The following RBFOX2 variants were observed in gnomAD, a reference collection of about 807,000 sequenced individuals.
RBFOX2 encodes RNA binding fox-1 homolog 2, also known as RNA binding protein fox-1 homolog 2.
RBFOX2 carries 10 observed loss-of-function variants against 49.1 expected under a neutral mutation model. The ratio of observed to expected loss-of-function variants is 0.20; its 90% CI spans 0.13 to 0.35. RBFOX2 has a LOEUF of 0.35. Among genes scored for constraint, RBFOX2 ranks in the 10% least tolerant of loss-of-function variants. RBFOX2 has a pLI of 1.00. For missense variants in RBFOX2, 323 were observed against 486.9 expected (o/e 0.66, Z 3.17); for synonymous variants, 183 against 187.4 (o/e 0.98, Z 0.19).
chr22:35,762,809 A>G (rs971119753), intron 6 of RBFOX2, among the ~76,000 whole-genome samples: 2 of 152,116 alleles, frequency 1.3e-5, no homozygotes, highest in East Asian at 3.9e-4. Flanking sequence ...TCCAGCCACA[A>G]TTGGCCTTTT....
At chr22:35,869,304 C>T (rs1315614666) in intron 1 of RBFOX2, among the ~76,000 whole-genome samples, 1 of 151,346 alleles carries the variant, frequency 6.6e-6, no homozygotes, top group African/African-American at 2.4e-5. Context: ...ATTACAGGCA[C>T]CCACCGCCAC....
chr22:35,772,021 C>T (rs1466180883), intron 4 of RBFOX2, among the ~76,000 whole-genome samples: 1 of 152,080 alleles, frequency 6.6e-6, no homozygotes, highest in Non-Finnish European at 1.5e-5. Context: ...AGAACAGCTT[C>T]CAAATGATCA....
Position 35,809,795 on chromosome 22 carries a change from T to C in RBFOX2, c.237A>G (p.Gln79=), listed in dbSNP as rs144815875. ...GTCCACGTACCGTAAGAGATCCATTTTGTGTGCTGGGTGAGTTGCTGCTCT... is the reference window on the plus strand; with the variant it reads ...GTCCACGTACCGTAAGAGATCCATTCTGTGTGCTGGGTGAGTTGCTGCTCT... Residue 79 remains glutamine, a synonymous_variant, in exon 2 of 12, where the codon CAA becomes CAG. Coordinates refer to ENST00000405409, the Ensembl canonical transcript of RBFOX2. 334 of 1,613,960 alleles carry C rather than the reference T, an allele frequency of 2.1e-4. 3 individuals carry two copies. The Middle Eastern group carries it at 7.8e-3, about 38-fold the overall frequency.
chr22:35,888,422 G>C (rs556262308), intron 1 of RBFOX2, among the ~76,000 whole-genome samples: 1 of 152,300 alleles, frequency 6.6e-6, no homozygotes, highest in Non-Finnish European at 1.5e-5. Flanking sequence ...AGATGGTCTA[G>C]TCTACTACAT....
At chr22:35,911,357 T>A (rs1050769363) in intron 1 of RBFOX2, among the ~76,000 whole-genome samples, 18 of 152,162 alleles carry the variant, frequency 1.2e-4, no homozygotes, top group African/African-American at 3.1e-4. Flanking sequence ...GAGAACCTCA[T>A]AAATATTCAA....
intron 9 of RBFOX2, among the ~76,000 whole-genome samples, 183 bp downstream of exon 11, chr22:35,755,922 G>A (rs1936756993): frequency 6.6e-6 from 1 of 151,052 alleles, no homozygotes; most frequent in Non-Finnish European, 1.5e-5. Context: ...CAAGCGCAGT[G>A]GCAGAGAAGC....
intron 1 of RBFOX2, among the ~76,000 whole-genome samples, chr22:35,922,167 GATATGTGAAATTTAA>G (rs1159531556): frequency 3.9e-5 from 6 of 152,190 alleles, no homozygotes; most frequent in Non-Finnish European, 8.8e-5. Flanking sequence ...TTAGCATAAT[GATATGTGAAATTTAA>G]ATCACAATTG....
chr22:35,893,876 T>C (rs984211392), intron 1 of RBFOX2, among the ~76,000 whole-genome samples: 1 of 151,920 alleles, frequency 6.6e-6, no homozygotes, highest in African/African-American at 2.4e-5. Context: ...AGGGAAACTT[T>C]CAAAAAGCTG....
chr22:35,746,689 C>T (rs1932868319), intron 9 of RBFOX2, 128 bp from the exon 12 acceptor site: 2 of 449,482 alleles, frequency 4.4e-6, no homozygotes, highest in Admixed American at 4.3e-5. Context: ...TAGACACACA[C>T]ATGGGAAGAA....
intron 1 of RBFOX2, among the ~76,000 whole-genome samples, chr22:35,960,066 G>C (rs1378778328): frequency 6.6e-6 from 1 of 152,064 alleles, no homozygotes; most frequent in African/African-American, 2.4e-5. Context: ...TGAATGCACA[G>C]ATGTGGACCC....
exon 3 of RBFOX2, chr22:35,781,733 C>G: frequency 6.2e-7 from 1 of 1,614,106 alleles, no homozygotes; most frequent in Non-Finnish European, 8.5e-7. Context: ...TGTCTGTGCT[C>G]CACCTTCTGT....
chr22:35,921,402 A>C (rs1381702272), intron 1 of RBFOX2, among the ~76,000 whole-genome samples: 1 of 152,230 alleles, frequency 6.6e-6, no homozygotes, highest in Non-Finnish European at 1.5e-5. Context: ...TCTGGGGAAG[A>C]GGCAGAGACC....
chr22:36,024,765 C>CT (rs2059370262), intron 1 of RBFOX2, among the ~76,000 whole-genome samples: 2 of 151,924 alleles, frequency 1.3e-5, no homozygotes, highest in Admixed American at 1.3e-4. Context: ...AAGACGTGTA[C>CT]TTTAAGACAA....
intron 1 of RBFOX2, among the ~76,000 whole-genome samples, chr22:35,826,760 TA>T (rs1252860724): frequency 1.3e-5 from 2 of 152,190 alleles, no homozygotes; most frequent in Non-Finnish European, 2.9e-5. Context: ...CCTATACATA[TA>T]TAACTGTGAG....
intron 1 of RBFOX2, among the ~76,000 whole-genome samples, chr22:35,986,475 T>C (rs1287269702): frequency 2.0e-5 from 3 of 152,010 alleles, no homozygotes; most frequent in African/African-American, 7.3e-5. Context: ...AAGGAAGAAA[T>C]GAAAAACGTG....
Position 36,004,336 on chromosome 22 carries a change from A to C in RBFOX2, c.186+23904T>G, listed in dbSNP as rs560102186. Among the ~76,000 whole-genome samples, 5 of 152,306 alleles carry C rather than the reference A, an allele frequency of 3.3e-5. No individual in the cohort carries two copies. In the South Asian group the frequency reaches 1.0e-3, roughly 32 times the overall value. On this transcript the variant is annotated intron_variant, in intron 1 of 13. Coordinates refer to the RBFOX2 transcript ENST00000438146. ...GATCCTTACACATCATTGCTACCCA[A>C]AACTCTTCTAACGTCAAGATCTCAA...
intron 1 of RBFOX2, among the ~76,000 whole-genome samples, chr22:36,004,233 C>G (rs1198184606): frequency 6.6e-6 from 1 of 152,160 alleles, no homozygotes; most frequent in East Asian, 1.9e-4. Flanking sequence ...AAGTTGACAA[C>G]ACTTTCAAAA....
chr22:35,817,018 G>A (rs1338198787), intron 1 of RBFOX2, among the ~76,000 whole-genome samples: 2 of 152,148 alleles, frequency 1.3e-5, no homozygotes, highest in Admixed American at 6.5e-5. Context: ...GTTGGAACAG[G>A]ACCCTGGTAC....
At chr22:35,781,528 G>A in intron 3 of RBFOX2, 72 bp downstream of exon 4, 1 of 1,518,752 alleles carries the variant, frequency 6.6e-7, no homozygotes, top group Non-Finnish European at 8.9e-7. Flanking sequence ...AAGTAATAAT[G>A]ACTAATAACA....
Sources: gnomAD v4.1 joint callset for allele counts (sites outside exome capture counted in the v4.1 genomes callset) on GRCh38, gnomAD v4.1.1 for gene constraint, MANE v1.5 for transcripts, NCBI Gene and HGNC (gene_info 2026-07-23, HGNC 2026-07-21) for gene names.